The following PDZD2 variants were observed in gnomAD, a reference collection of about 807,000 sequenced individuals.
PDZD2 encodes the protein PDZ domain containing 2.
A neutral mutation model predicts 220.7 loss-of-function variants in PDZD2; 90 were observed. The observed-to-expected ratio is 0.41, with a 90% CI of 0.34 to 0.49. The LOEUF is 0.49. Ranked by LOEUF, PDZD2 falls within the 20% of genes least tolerant of loss-of-function variation. The pLI is 0.28. For missense variants in PDZD2, 3,174 were observed against 3,608.5 expected (o/e 0.88, Z 3.08); for synonymous variants, 1,375 against 1,450.5 (o/e 0.95, Z 1.18).
At chr5:31,901,815 T>C (rs1742131267) in intron 2 of PDZD2, among the ~76,000 whole-genome samples, 1 of 152,218 alleles carries the variant, frequency 6.6e-6, no homozygotes, top group South Asian at 2.1e-4. Flanking sequence ...TTTGATTTGC[T>C]ATCTCTATAA....
At chr5:31,857,260 C>T (rs907370835) in intron 2 of PDZD2, among the ~76,000 whole-genome samples, 1 of 152,192 alleles carries the variant, frequency 6.6e-6, no homozygotes, top group Non-Finnish European at 1.5e-5. Flanking sequence ...AGAACTCTGT[C>T]CTCCTCCGCT....
rs534428820 is a variant in PDZD2, at chr5:31,781,049, G to C, written c.-360-17840G>C. Among the ~76,000 whole-genome samples the C allele has an allele frequency of 1.9e-3, 291 of 152,318 alleles. 1 individual carries two copies. The highest frequency in any genetic ancestry group is 1.5e-3 in the Non-Finnish European group (102 of 68,040). ...AGGGGAGGATGTCACTTACACCACCGATCAGTTAGGCCCTTCTTTAAAGCT... is the reference window on the plus strand; with the variant it reads ...AGGGGAGGATGTCACTTACACCACCCATCAGTTAGGCCCTTCTTTAAAGCT... On this transcript the variant is annotated intron_variant, in intron 1 of 24. Transcript: ENST00000438447.
intron 2 of PDZD2, among the ~76,000 whole-genome samples, chr5:31,852,133 G>A (rs921468873): frequency 2.5e-4 from 38 of 152,170 alleles, no homozygotes; most frequent in African/African-American, 8.9e-4. Flanking sequence ...GGAATCACAG[G>A]CGTGAGCCAC....
intron 2 of PDZD2, among the ~76,000 whole-genome samples, chr5:31,846,217 T>A (rs1375044771): frequency 6.6e-6 from 1 of 152,206 alleles, no homozygotes; most frequent in Non-Finnish European, 1.5e-5. Flanking sequence ...CACTGCAACC[T>A]CCGCATCCCG....
At chr5:31,956,469 C>T (rs1372411120) in intron 2 of PDZD2, among the ~76,000 whole-genome samples, 1 of 147,496 alleles carries the variant, frequency 6.8e-6, no homozygotes, top group Non-Finnish European at 1.5e-5. Flanking sequence ...ATGGCGTGAA[C>T]CCGGGAGACA....
In PDZD2 at chr5:32,089,708, C is replaced by A. The variant is rs765183183; in HGVS notation, c.6260C>A (p.Thr2087Lys). 6.2e-7 allele frequency: 1 copy of A among 1,614,190 alleles called. No individual in the cohort carries two copies. The highest frequency in any genetic ancestry group is 8.5e-7 in the Non-Finnish European group (1 of 1,180,034). ...ATGGCCAGCGATCGCCTCGAAAGAA[C>A]AAACCAGCTGAAAATCGTGGAGATT... ...NIMASDRLER[T>K]NQLKIVEISA... The change falls in exon 20 of 25, where the codon ACA (threonine) becomes AAA (lysine). Residue 2087 changes from threonine (T) to lysine (K), a missense_variant. By Grantham distance (78) the Thr-to-Lys change is moderately conservative. This residue lies in a region of PDZD2 where 1,861 missense variants were observed against 2,001.0 expected (regional missense o/e 0.93). Transcript: ENST00000438447.
At chr5:31,941,118 T>C (rs1454776589) in intron 2 of PDZD2, among the ~76,000 whole-genome samples, 1 of 152,216 alleles carries the variant, frequency 6.6e-6, no homozygotes, top group Non-Finnish European at 1.5e-5. Context: ...ATCATGGTGC[T>C]CTTTAATGGA....
chr5:32,057,050 C>T (rs776556962), intron 10 of PDZD2, among the ~76,000 whole-genome samples: 9 of 152,048 alleles, frequency 5.9e-5, no homozygotes, highest in African/African-American at 1.2e-4. Flanking sequence ...GCTGAGGTCA[C>T]GCCACCGCAC....
chr5:31,801,052 G>A (rs1199247789), intron 2 of PDZD2, among the ~76,000 whole-genome samples: 1 of 152,210 alleles, frequency 6.6e-6, no homozygotes, highest in Non-Finnish European at 1.5e-5. Context: ...GTGCCCTGGT[G>A]CAAAGTGCAG....
At chr5:31,709,062 A>G (rs1747964040) in intron 1 of PDZD2, among the ~76,000 whole-genome samples, 3 of 151,346 alleles carry the variant, frequency 2.0e-5, no homozygotes, top group Non-Finnish European at 4.4e-5. Flanking sequence ...TAATTTTTGT[A>G]TTTTTAGTAG....
intron 2 of PDZD2, among the ~76,000 whole-genome samples, chr5:31,883,921 C>T (rs1740178883): frequency 6.6e-6 from 1 of 152,080 alleles, no homozygotes. Flanking sequence ...TAATTTAAAT[C>T]CTGTGTTAAG....
chr5:31,772,037 C>G (rs977329986), intron 1 of PDZD2, among the ~76,000 whole-genome samples: 1 of 152,076 alleles, frequency 6.6e-6, no homozygotes, highest in African/African-American at 2.4e-5. Context: ...GGGAGAGGAG[C>G]AGGATTGGGC....
At chr5:31,951,362 C>T (rs1747168133) in intron 2 of PDZD2, among the ~76,000 whole-genome samples, 1 of 152,204 alleles carries the variant, frequency 6.6e-6, no homozygotes, top group South Asian at 2.1e-4. Flanking sequence ...GCCACTGCAC[C>T]TGGCCTTCAG....
intron 2 of PDZD2, among the ~76,000 whole-genome samples, chr5:31,830,743 A>G (rs1375748597): frequency 6.6e-6 from 1 of 152,186 alleles, no homozygotes; most frequent in African/African-American, 2.4e-5. Context: ...GGATAAAGTT[A>G]CATGTTTTTT....
chr5:31,954,043 G>A (rs6862860), intron 2 of PDZD2, among the ~76,000 whole-genome samples: 14,061 of 151,954 alleles, frequency 0.093, 830 homozygotes, highest in South Asian at 0.2. Flanking sequence ...TTGAGTTCAG[G>A]AGTTCAAGGT....
At chr5:31,650,720 G>A (rs536006175) in intron 1 of PDZD2, among the ~76,000 whole-genome samples, 1 of 152,176 alleles carries the variant, frequency 6.6e-6, no homozygotes, top group Admixed American at 6.5e-5. Flanking sequence ...AGATGACCAG[G>A]TTGAGTCCTT....
At chr5:31,818,472 A>T (rs186005197) in intron 2 of PDZD2, among the ~76,000 whole-genome samples, 2 of 152,132 alleles carry the variant, frequency 1.3e-5, no homozygotes, top group East Asian at 3.9e-4. Context: ...TGCAAACCAG[A>T]CCTTCTAACT....
chr5:31,865,788 C>T (rs1400299628), intron 2 of PDZD2, among the ~76,000 whole-genome samples: 8 of 151,106 alleles, frequency 5.3e-5, no homozygotes, highest in Non-Finnish European at 1.2e-4. Flanking sequence ...CCCACCACCA[C>T]GCCCGGCTAA....
chr5:32,008,496 G>C (rs566434170), intron 5 of PDZD2, among the ~76,000 whole-genome samples: 1 of 152,030 alleles, frequency 6.6e-6, no homozygotes. Context: ...ATGTTGGCCA[G>C]GCTGGTCTTG....
Sources: allele counts gnomAD v4.1 joint callset (sites outside exome capture counted in the v4.1 genomes callset), GRCh38; gene constraint gnomAD v4.1.1; regional missense constraint gnomAD v4.1.1; transcripts MANE v1.5; gene names NCBI Gene and HGNC (gene_info 2026-07-23, HGNC 2026-07-21).